Variants in PLXNA1 observed in about 807,000 individuals in gnomAD.
PLXNA1 encodes plexin-A1.
Under a neutral mutation model 191.7 loss-of-function variants are expected in PLXNA1, and 77 were observed. The observed-to-expected ratio is 0.40, with a 90% CI of 0.33 to 0.49. The LOEUF (loss-of-function observed/expected upper bound fraction) is 0.49. Ranked by LOEUF, PLXNA1 falls within the 20% of genes least tolerant of loss-of-function variation. PLXNA1 has a pLI of 0.63. For missense variants in PLXNA1, 2,110 were observed against 2,660.2 expected (o/e 0.79, Z 4.55); for synonymous variants, 1,137 against 1,156.4 (o/e 0.98, Z 0.34).
intron 2 of PLXNA1, 70 bp downstream of exon 2, chr3:126,989,857 A>G (rs1194341958): frequency 1.5e-6 from 2 of 1,324,670 alleles, no homozygotes; most frequent in Admixed American, 2.0e-5. Context: ...TCGGTGTCAG[A>G]TGCACGCCCA....
intron 12 of PLXNA1, 32 bp from the exon 13 acceptor site, chr3:127,014,446 G>A: frequency 6.3e-7 from 1 of 1,593,668 alleles, no homozygotes; most frequent in South Asian, 1.1e-5. Context: ...CGCCCTGTGG[G>A]ATGCCTGTAC....
chr3:126,994,003 C>A (rs1007955266), intron 3 of PLXNA1, among the ~76,000 whole-genome samples: 2 of 152,164 alleles, frequency 1.3e-5, no homozygotes, highest in African/African-American at 2.4e-5. Context: ...CCTCTCTGAG[C>A]CTTGGTGTCT....
intron 31 of PLXNA1, 73 bp from the exon 32 acceptor site, chr3:127,033,849 G>A: frequency 2.3e-6 from 3 of 1,294,494 alleles, no homozygotes; most frequent in Non-Finnish European, 3.2e-6. Context: ...TACTCTGGAG[G>A]CATCTGCCCT....
chr3:127,032,339 G>A (rs1168417262), intron 29 of PLXNA1, 48 bp from the exon 30 acceptor site: 1 of 1,575,128 alleles, frequency 6.3e-7, no homozygotes, highest in African/African-American at 1.3e-5. Context: ...TCACTGCTCA[G>A]GAGGGAGCAG....
Position 127,030,239 on chromosome 3 carries a change from G to T in PLXNA1, c.5062-4G>T. 2 of 1,612,830 alleles carry T rather than the reference G, an allele frequency of 1.2e-6. No homozygotes were observed. The highest frequency in any genetic ancestry group is 1.1e-5 in the South Asian group (1 of 90,964). ...GGCTCAGTGTCCCTGCCTGCCCCCCGCAGGGCACACTGCAGAAGTTTGTGG... is the reference window on the plus strand; with the variant it reads ...GGCTCAGTGTCCCTGCCTGCCCCCCTCAGGGCACACTGCAGAAGTTTGTGG... On this transcript the variant is annotated splice_polypyrimidine_tract_variant and splice_region_variant and intron_variant, in intron 28 of 31. Coordinates refer to ENST00000393409, the MANE Select transcript of PLXNA1 (RefSeq NM_032242.4).
At chr3:127,009,243 A>C (rs931845412) in intron 9 of PLXNA1, among the ~76,000 whole-genome samples, 1 of 152,090 alleles carries the variant, frequency 6.6e-6, no homozygotes, top group Admixed American at 6.5e-5. Flanking sequence ...TTTGGGGCTG[A>C]GATAGCCCAA....
At chr3:126,987,263 GC>G (rs1320351734) in intron 1 of PLXNA1, among the ~76,000 whole-genome samples, 1 of 152,228 alleles carries the variant, frequency 6.6e-6, no homozygotes, top group African/African-American at 2.4e-5. Context: ...CCAGTGCTTG[GC>G]TGCCAGTTGC....
intron 3 of PLXNA1, among the ~76,000 whole-genome samples, chr3:126,999,450 G>A (rs1007775448): frequency 6.6e-6 from 1 of 152,218 alleles, no homozygotes; most frequent in African/African-American, 2.4e-5. Context: ...TCATGGGGCA[G>A]GCAGAGTTGG....
At chr3:127,021,067 C>T (rs2079150056) in intron 21 of PLXNA1, among the ~76,000 whole-genome samples, 1 of 152,218 alleles carries the variant, frequency 6.6e-6, no homozygotes, top group African/African-American at 2.4e-5. Flanking sequence ...CAGCTGAGGG[C>T]ACCCCCCAAC....
At chr3:127,009,854 A>G (rs1280851978) in intron 9 of PLXNA1, among the ~76,000 whole-genome samples, 6 of 152,218 alleles carry the variant, frequency 3.9e-5, no homozygotes, top group African/African-American at 1.4e-4. Flanking sequence ...CCAGGGCCTA[A>G]GGGCTCCCAC....
chr3:127,028,468 G>A, intron 25 of PLXNA1, 128 bp downstream of exon 25: 1 of 1,075,544 alleles, frequency 9.3e-7, no homozygotes, highest in Non-Finnish European at 1.3e-6. Flanking sequence ...GGAGGGCAGT[G>A]GAATGGCGAG....
intron 31 of PLXNA1, among the ~76,000 whole-genome samples, chr3:127,033,234 T>TG (rs201132248): frequency 0.026 from 4,030 of 152,272 alleles, 81 homozygotes; most frequent in Middle Eastern, 0.041. Flanking sequence ...TCTGCTGACT[T>TG]GGAGTGAGGC....
At chr3:127,009,765 G>A (rs1020541787) in intron 9 of PLXNA1, among the ~76,000 whole-genome samples, 1 of 152,178 alleles carries the variant, frequency 6.6e-6, no homozygotes, top group Non-Finnish European at 1.5e-5. Flanking sequence ...TGTGTGTTTT[G>A]TCTGAAGGCG....
intron 3 of PLXNA1, among the ~76,000 whole-genome samples, chr3:127,001,240 C>T (rs1026931710): frequency 6.6e-6 from 1 of 152,192 alleles, no homozygotes; most frequent in Non-Finnish European, 1.5e-5. Context: ...TTTCTTCACC[C>T]CTTGGTGTGA....
In PLXNA1 at chr3:126,991,880, G is replaced by A. The variant is rs1249553534; in HGVS notation, c.1377+314G>A. 2.6e-5 allele frequency among the ~76,000 whole-genome samples: 4 copies of A among 152,188 alleles called. No homozygotes were observed. In the East Asian group the frequency reaches 7.8e-4, roughly 30 times the overall value. On this transcript the variant is annotated intron_variant, in intron 3 of 31. Transcript: ENST00000393409. ...CAAGGGCACTTGACCTCCTGGGGAG[G>A]CTGCTGTGTGTGGGTGGTGAGGGCA...
intron 10 of PLXNA1, among the ~76,000 whole-genome samples, chr3:127,012,958 TG>T (rs1404606288): frequency 6.6e-6 from 1 of 152,192 alleles, no homozygotes; most frequent in Admixed American, 6.5e-5. Flanking sequence ...TGTGGGGCAC[TG>T]GGCTGTCGAC....
chr3:127,028,754 A>C, intron 25 of PLXNA1: 1 of 569,758 alleles, frequency 1.8e-6, no homozygotes, highest in Non-Finnish European at 3.1e-6. Context: ...TGGGGCCCTA[A>C]GGCTTGCGGA....
At chr3:127,026,427 G>A (rs928691296) in intron 23 of PLXNA1, 1 of 152,190 alleles carries the variant, frequency 6.6e-6, no homozygotes, top group Admixed American at 6.5e-5. Context: ...GCACTGCCCT[G>A]ACCTTCAGAG....
intron 23 of PLXNA1, among the ~76,000 whole-genome samples, chr3:127,023,026 G>A (rs1354325557): frequency 1.3e-5 from 2 of 152,178 alleles, no homozygotes; most frequent in Non-Finnish European, 2.9e-5. Flanking sequence ...GAGGCTGTCA[G>A]GCCCTCACAC....
Sources: allele counts gnomAD v4.1 joint callset (sites outside exome capture counted in the v4.1 genomes callset), GRCh38; gene constraint gnomAD v4.1.1; transcripts MANE v1.5; gene names NCBI Gene and HGNC (gene_info 2026-07-23, HGNC 2026-07-21).